The following SNX29 variants were observed in gnomAD, a reference collection of about 807,000 sequenced individuals.
SNX29 encodes sorting nexin-29.
SNX29 carries 78 observed loss-of-function variants against 102.1 expected under a neutral mutation model. That is an observed-to-expected ratio of 0.76 (90% CI 0.64 to 0.92). SNX29 has a LOEUF of 0.92. SNX29 is among the 40% of genes least tolerant of loss of function. The pLI is 0.00. For missense variants in SNX29, 1,280 were observed against 1,061.7 expected, an observed-to-expected ratio of 1.21 and a Z score of -2.86; for synonymous variants, 580 against 414.5, an observed-to-expected ratio of 1.40 and a Z score of -4.85.
intron 16 of SNX29, among the ~76,000 whole-genome samples, chr16:12,390,381 C>T (rs1279146329): frequency 6.6e-6 from 1 of 152,138 alleles, no homozygotes; most frequent in Non-Finnish European, 1.5e-5. Context: ...CCAGATGCCT[C>T]ATCCATCCCT....
chr16:12,472,241 C>G (rs1045286104), intron 18 of SNX29, among the ~76,000 whole-genome samples: 3 of 152,000 alleles, frequency 2.0e-5, no homozygotes, highest in African/African-American at 7.3e-5. Context: ...CAGGGGAAGG[C>G]TGGGGGTGGT....
chr16:12,199,060 G>C (rs146588104), intron 13 of SNX29, among the ~76,000 whole-genome samples: 35 of 152,224 alleles, frequency 2.3e-4, no homozygotes, highest in African/African-American at 8.4e-4. Context: ...CCAACTGCTT[G>C]TCTTTATGCC....
chr16:12,158,448 C>A (rs1021043058), intron 13 of SNX29, among the ~76,000 whole-genome samples: 1 of 152,182 alleles, frequency 6.6e-6, no homozygotes, highest in African/African-American at 2.4e-5. Flanking sequence ...GATCCACCCA[C>A]CTCGGCCTCC....
Position 12,096,276 on chromosome 16 carries a change from G to C in SNX29, c.1402+17361G>C, listed in dbSNP as rs2052762715. On this transcript the variant is annotated intron_variant, in intron 11 of 20. Coordinates refer to ENST00000566228, the MANE Select transcript of SNX29 (RefSeq NM_032167.5). The surrounding 1 kb of genome is among the most constrained non-coding windows in gnomAD (Gnocchi z 4.2). The stretch of plus-strand genomic sequence containing the variant: ...GTGTCTTAGTAATTGGAAGGTTCCA[G>C]ATGGCATTTAGACATGCCTCACTTC... Among the ~76,000 whole-genome samples, 1 of 152,216 alleles carries C rather than the reference G, an allele frequency of 6.6e-6. No homozygotes were observed. Among genetic ancestry groups the C allele is most frequent in the South Asian group, 2.1e-4 (1 of 4,828 alleles).
intron 18 of SNX29, among the ~76,000 whole-genome samples, chr16:12,428,867 G>C (rs1375169780): frequency 6.6e-6 from 1 of 151,996 alleles, no homozygotes; most frequent in Non-Finnish European, 1.5e-5. Context: ...CTTCTAGTTA[G>C]TCTCACCACA....
intron 18 of SNX29, among the ~76,000 whole-genome samples, chr16:12,452,346 A>G (rs1375951520): frequency 6.6e-6 from 1 of 152,298 alleles, no homozygotes; most frequent in Admixed American, 6.5e-5. Context: ...AATGTCTCAC[A>G]ATGCACAGGA....
intron 18 of SNX29, among the ~76,000 whole-genome samples, chr16:12,449,619 G>T (rs573735561): frequency 3.3e-5 from 5 of 152,314 alleles, no homozygotes; most frequent in African/African-American, 9.6e-5. Flanking sequence ...TGCTCCAGCT[G>T]TGCATCTCCC....
intron 15 of SNX29, among the ~76,000 whole-genome samples, chr16:12,293,951 G>A (rs190578799): frequency 6.6e-6 from 1 of 152,148 alleles, no homozygotes; most frequent in Non-Finnish European, 1.5e-5. Context: ...TCTCATCCTC[G>A]CTATACAGAG....
chr16:12,363,549 G>T (rs1004155205), intron 16 of SNX29, among the ~76,000 whole-genome samples: 1 of 152,194 alleles, frequency 6.6e-6, no homozygotes, highest in African/African-American at 2.4e-5. Context: ...CAGTGAAACA[G>T]TGCTCTCTGT....
At chr16:12,426,252 G>T (rs982941955) in intron 18 of SNX29, among the ~76,000 whole-genome samples, 3 of 152,156 alleles carry the variant, frequency 2.0e-5, no homozygotes, top group African/African-American at 7.2e-5. Context: ...TCATGGGTCA[G>T]CTGTGGCCTG....
At chr16:12,543,086 T>G (rs1049826390) in intron 20 of SNX29, among the ~76,000 whole-genome samples, 5 of 152,148 alleles carry the variant, frequency 3.3e-5, no homozygotes, top group African/African-American at 1.2e-4. Context: ...GCATGTTCTG[T>G]CTGGTGGAAA....
chr16:12,184,549 C>T lies in SNX29; in HGVS notation c.1596-15052C>T, dbSNP rs532541508. Among the ~76,000 whole-genome samples, 3 of 152,324 alleles carry T rather than the reference C, an allele frequency of 2.0e-5. No homozygotes were observed. In the South Asian group the frequency reaches 6.2e-4, roughly 32 times the overall value. Reference sequence around the variant, plus strand: ...CCTTGTAAATAAATGGCATCCAGTTCCCTCATGGTCTTCAAACTCTCCATG... The same window carrying T: ...CCTTGTAAATAAATGGCATCCAGTTTCCTCATGGTCTTCAAACTCTCCATG... On this transcript the variant is annotated intron_variant, in intron 13 of 20. Coordinates refer to ENST00000566228, the MANE Select transcript of SNX29 (RefSeq NM_032167.5).
At chr16:12,160,507 G>A (rs983511225) in intron 13 of SNX29, among the ~76,000 whole-genome samples, 1 of 152,160 alleles carries the variant, frequency 6.6e-6, no homozygotes, top group African/African-American at 2.4e-5. Context: ...TCTAGGATAA[G>A]CAAATTTCTA....
chr16:12,492,912 A>C (rs192578005), intron 19 of SNX29, among the ~76,000 whole-genome samples: 20,811 of 152,062 alleles, frequency 0.14, 2,779 homozygotes, highest in African/African-American at 0.33. Flanking sequence ...GTACCAGTAA[A>C]ATGCTGTTTT....
intron 3 of SNX29, among the ~76,000 whole-genome samples, chr16:12,012,529 C>T (rs1200770285): frequency 1.3e-5 from 2 of 152,110 alleles, no homozygotes; most frequent in Non-Finnish European, 2.9e-5. Context: ...CTGCCTCAGC[C>T]TCCCGAGTAG....
intron 11 of SNX29, chr16:12,089,623 G>A (rs1364309871): frequency 1.1e-5 from 2 of 186,498 alleles, no homozygotes; most frequent in African/African-American, 4.8e-5. Context: ...TTTTGGTGGC[G>A]GGTGGTACCG....
intron 20 of SNX29, among the ~76,000 whole-genome samples, chr16:12,566,824 G>A (rs1009537026): frequency 4.6e-5 from 7 of 152,240 alleles, no homozygotes; most frequent in African/African-American, 1.2e-4. Flanking sequence ...AGCAGCTCCG[G>A]CTTTGTTCAA....
At chr16:12,174,912 G>T (rs1297763231) in intron 13 of SNX29, among the ~76,000 whole-genome samples, 1 of 150,344 alleles carries the variant, frequency 6.7e-6, no homozygotes, top group East Asian at 2.0e-4. Context: ...TCCTATAAAT[G>T]GAAAGTATTA....
At chr16:12,432,307 C>T (rs2085346849) in intron 18 of SNX29, among the ~76,000 whole-genome samples, 1 of 152,212 alleles carries the variant, frequency 6.6e-6, no homozygotes, top group Non-Finnish European at 1.5e-5. Context: ...GACCCTGGTT[C>T]TCCAGAAACC....
Sources: allele counts gnomAD v4.1 joint callset (sites outside exome capture counted in the v4.1 genomes callset), GRCh38; gene constraint gnomAD v4.1.1; non-coding constraint Gnocchi (gnomAD v3.1); transcripts MANE v1.5; gene names NCBI Gene and HGNC (gene_info 2026-07-23, HGNC 2026-07-21).